Variants in MED12L observed in about 807,000 individuals in gnomAD.
The protein encoded by MED12L is mediator complex subunit 12L.
In MED12L, 60 loss-of-function variants were observed where a neutral mutation model predicts 281.3. That is an observed-to-expected ratio of 0.21 (90% CI 0.17 to 0.26). The LOEUF (loss-of-function observed/expected upper bound fraction) is 0.26. MED12L is among the 10% of genes least tolerant of loss of function. The pLI is 1.00. For synonymous variants in MED12L, 974 were observed against 987.2 expected (o/e 0.99, Z 0.25); for missense variants, 2,146 against 2,680.9 (o/e 0.80, Z 4.41).
intron 26 of MED12L, 132 bp from the exon 27 acceptor site, chr3:151,372,435 T>G: frequency 1.5e-6 from 1 of 665,300 alleles, no homozygotes; most frequent in Admixed American, 2.5e-5. Flanking sequence ...TCTCTATTCC[T>G]GAACAACTGG....
intron 16 of MED12L, among the ~76,000 whole-genome samples, chr3:151,341,860 G>T (rs954658070): frequency 6.6e-6 from 1 of 151,974 alleles, no homozygotes; most frequent in African/African-American, 2.4e-5. Flanking sequence ...AGTTTACTGA[G>T]AATGATGATT....
At chr3:151,213,125 T>A (rs1368613618) in intron 16 of MED12L, 1 of 521,378 alleles carries the variant, frequency 1.9e-6, no homozygotes, top group Non-Finnish European at 3.3e-6. Flanking sequence ...ATGGGTATGT[T>A]TTCTTTGATG....
chr3:151,309,648 T>G (rs1415392336), intron 16 of MED12L, among the ~76,000 whole-genome samples: 4 of 152,224 alleles, frequency 2.6e-5, no homozygotes, highest in Non-Finnish European at 5.9e-5. Context: ...TATCCCCATG[T>G]GCCACATAAG....
intron 11 of MED12L, among the ~76,000 whole-genome samples, chr3:151,172,218 C>T (rs962623016): frequency 1.4e-4 from 21 of 152,160 alleles, no homozygotes; most frequent in Non-Finnish European, 1.3e-4. Context: ...GGACAATTCA[C>T]GTATTTTTGA....
intron 2 of MED12L, among the ~76,000 whole-genome samples, chr3:151,111,936 C>T (rs1379028800): frequency 2.6e-5 from 4 of 152,016 alleles, no homozygotes; most frequent in African/African-American, 9.7e-5. Flanking sequence ...GTCCTGTGTC[C>T]CCTGCACTTT....
rs762809373 is a variant in MED12L at position 151,188,500 on chromosome 3, T to C, written c.1753+20T>C. The C allele has an allele frequency of 1.3e-6, 2 of 1,585,894 alleles. No individual in the cohort carries two copies. Among genetic ancestry groups the C allele is most frequent in the Non-Finnish European group, 1.7e-6 (2 of 1,167,892 alleles). On this transcript the variant is annotated intron_variant, in intron 13 of 44. Transcript: ENST00000687756. ...CTTTGTGTAAGTAGAGAAAACTCTT[T>C]GCCTCTAGATCTTAAATAAGGGATT...
At chr3:151,281,610 T>G (rs1400518315) in intron 16 of MED12L, among the ~76,000 whole-genome samples, 3 of 152,196 alleles carry the variant, frequency 2.0e-5, no homozygotes, top group Non-Finnish European at 2.9e-5. Flanking sequence ...TTTCCTTTTA[T>G]CTGTGGTGTT....
intron 12 of MED12L, among the ~76,000 whole-genome samples, chr3:151,186,836 G>A (rs984457359): frequency 6.6e-6 from 1 of 152,166 alleles, no homozygotes; most frequent in Non-Finnish European, 1.5e-5. Flanking sequence ...CCCTCTAGAA[G>A]GTGAGCTGGA....
At chr3:151,164,616 T>A (rs1253448401) in intron 9 of MED12L, among the ~76,000 whole-genome samples, 1 of 152,100 alleles carries the variant, frequency 6.6e-6, no homozygotes, top group Non-Finnish European at 1.5e-5. Context: ...CCAACAATGA[T>A]TGACTGGATT....
At chr3:151,156,868 G>T (rs1719358689) in intron 6 of MED12L, among the ~76,000 whole-genome samples, 1 of 152,148 alleles carries the variant, frequency 6.6e-6, no homozygotes, top group Admixed American at 6.5e-5. Flanking sequence ...TCATGGTAAG[G>T]TAAGAGAGAT....
intron 43 of MED12L, among the ~76,000 whole-genome samples, chr3:151,419,769 C>T (rs1177668440): frequency 6.6e-6 from 1 of 152,146 alleles, no homozygotes; most frequent in Admixed American, 6.5e-5. Context: ...GCACCAATCC[C>T]CAACCCAAAT....
intron 39 of MED12L, among the ~76,000 whole-genome samples, chr3:151,405,805 C>T (rs896802183): frequency 6.6e-6 from 1 of 152,158 alleles, no homozygotes; most frequent in Non-Finnish European, 1.5e-5. Context: ...AAGAAGAAAT[C>T]ATTAGAATGA....
At chr3:151,376,762 G>A in intron 28 of MED12L, 38 bp from the exon 29 acceptor site, 2 of 1,504,800 alleles carry the variant, frequency 1.3e-6, no homozygotes, top group Non-Finnish European at 1.8e-6. Flanking sequence ...TAACACATTT[G>A]ATACCCATAA....
intron 19 of MED12L, 25 bp downstream of exon 19, chr3:151,356,064 T>TA: frequency 6.3e-7 from 1 of 1,595,994 alleles, no homozygotes; most frequent in Non-Finnish European, 8.5e-7. Flanking sequence ...ATGTTTCTCT[T>TA]ACTTTTAGGA....
Position 151,296,916 on chromosome 3 carries a change from G to A in MED12L, c.2251-53143G>A, listed in dbSNP as rs559160653. Among the ~76,000 whole-genome samples the A allele has an allele frequency of 2.1e-3, 327 of 152,236 alleles. 1 individual carries two copies. The highest frequency in any genetic ancestry group is 7.6e-3 in the African/African-American group (316 of 41,558). On this transcript the variant is annotated intron_variant, in intron 16 of 44. Transcript: ENST00000687756. ...CCTGCACACAGGCAGTTTAGTGTCT[G>A]TTTTGGTTCCCTTCTTTGAGGAGAG... is the stretch of plus-strand genomic sequence containing the variant.
intron 30 of MED12L, 25 bp from the exon 31 acceptor site, chr3:151,377,987 G>T (rs755489653): frequency 1.3e-6 from 2 of 1,574,516 alleles, no homozygotes; most frequent in East Asian, 4.6e-5. Flanking sequence ...GCTTTCTCCG[G>T]TGTAACACCT....
At chr3:151,314,122 T>A (rs1747920367) in intron 16 of MED12L, among the ~76,000 whole-genome samples, 4 of 152,344 alleles carry the variant, frequency 2.6e-5, no homozygotes, top group Middle Eastern at 6.8e-3. Flanking sequence ...TAGAAATTAC[T>A]GTTTAAGAGA....
intron 38 of MED12L, among the ~76,000 whole-genome samples, chr3:151,392,192 G>C (rs1008057652): frequency 1.3e-5 from 2 of 151,996 alleles, no homozygotes; most frequent in East Asian, 3.8e-4. Context: ...GGCTGGGCAC[G>C]GTGGCTGACA....
chr3:151,338,923 GT>G, intron 16 of MED12L: 5 of 1,463,062 alleles, frequency 3.4e-6, no homozygotes, highest in Non-Finnish European at 4.7e-6. Flanking sequence ...TGTTATCTCT[GT>G]GTGTAACTTT....
Sources: gnomAD v4.1 joint callset for allele counts (sites outside exome capture counted in the v4.1 genomes callset) on GRCh38, gnomAD v4.1.1 for gene constraint, MANE v1.5 for transcripts, NCBI Gene and HGNC (gene_info 2026-07-23, HGNC 2026-07-21) for gene names.